The following DACT1 variants were observed in gnomAD, a reference collection of about 807,000 sequenced individuals.
The protein encoded by DACT1 is dishevelled binding antagonist of beta catenin 1, also known as dapper homolog 1.
DACT1 carries 19 observed loss-of-function variants against 35.3 expected under a neutral mutation model. That is an observed-to-expected ratio of 0.54 (90% confidence interval 0.38 to 0.79). The LOEUF is 0.79. Among genes scored for constraint, DACT1 ranks in the 30% least tolerant of loss-of-function variants. DACT1 has a pLI of 0.00. For missense variants in DACT1, 1,143 were observed against 1,057.5 expected, an observed-to-expected ratio of 1.08 and a Z score of -1.12; for synonymous variants, 545 against 466.7, an observed-to-expected ratio of 1.17 and a Z score of -2.16.
Position 58,646,174 on chromosome 14 carries a change from C to T in DACT1, c.1440C>T (p.Gly480=), listed in dbSNP as rs1197675702. The T allele has an allele frequency of 1.4e-5, 23 of 1,613,444 alleles. No homozygotes were observed. Among genetic ancestry groups the T allele is most frequent in the Non-Finnish European group, 1.8e-5 (21 of 1,179,872 alleles). The change falls in exon 4 of 4, where the codon GGC becomes GGT. Residue 480 remains glycine (G), a synonymous_variant. Transcript: ENST00000395153. ...KKMSQKNSLQ[G]VPPATPPLLS... ...TGTCACAGAAAAACAGCCTGCAGGG[C>T]GTCCCCCCGGCCACTCCTCCCCTGC... is the stretch of plus-strand genomic sequence containing the variant.
chr14:58,639,591 G>A (rs1381255675), intron 1 of DACT1, among the ~76,000 whole-genome samples: 1 of 152,178 alleles, frequency 6.6e-6, no homozygotes, highest in African/African-American at 2.4e-5. Context: ...GTGTGTGTGT[G>A]TGTGTTTTTA....
chr14:58,640,702 T>TA (rs2047618436), intron 1 of DACT1, 34 bp from the exon 2 acceptor site: 5 of 1,613,294 alleles, frequency 3.1e-6, no homozygotes, highest in Non-Finnish European at 3.4e-6. Context: ...GTCACCCCTG[T>TA]ATGTTCATGT....
chr14:58,639,199 T>C, intron 1 of DACT1: 1 of 985,426 alleles, frequency 1.0e-6, no homozygotes, highest in Non-Finnish European at 1.2e-6. Flanking sequence ...CCTCCTCTCA[T>C]ATTTTATACG....
intron 1 of DACT1, 65 bp from the exon 2 acceptor site, chr14:58,640,653 GGTAATTTGAATCCTTAGA>G (rs981803070): frequency 6.5e-7 from 1 of 1,548,348 alleles, no homozygotes; most frequent in Non-Finnish European, 8.8e-7. Context: ...TCTTCAGATG[GGTAATTTGAATCCTTAGA>G]GTAGACTTTC....
Sources: gnomAD v4.1 joint callset for allele counts (sites outside exome capture counted in the v4.1 genomes callset) on GRCh38, gnomAD v4.1.1 for gene constraint, MANE v1.5 for transcripts, NCBI Gene and HGNC (gene_info 2026-07-23, HGNC 2026-07-21) for gene names.